The following PGBD5 variants were observed in gnomAD, a reference collection of about 807,000 sequenced individuals.
PGBD5 encodes the protein piggyBac transposable element-derived protein 5.
Under a neutral mutation model 47.9 loss-of-function variants are expected in PGBD5, and 14 were observed. That is an observed-to-expected ratio of 0.29 (90% confidence interval 0.19 to 0.46). The LOEUF (loss-of-function observed/expected upper bound fraction) is 0.46. Ranked by LOEUF, PGBD5 falls within the 20% of genes least tolerant of loss-of-function variation. The pLI is 1.00. For missense variants in PGBD5, 635 were observed against 716.0 expected, an observed-to-expected ratio of 0.89 and a Z score of 1.29; for synonymous variants, 316 against 306.3, an observed-to-expected ratio of 1.03 and a Z score of -0.33.
rs1292141323 is a variant in PGBD5 at position 230,317,723 on chromosome 1, A to T, written c.*5702T>A. ...GCTTGACACGTGAGGGAAGCCGCAC[A>T]CACTCCTCCATCGTCTTCCTAGGTC... is the stretch of plus-strand genomic sequence containing the variant. On this transcript the variant is annotated 3_prime_UTR_variant, in exon 7 of 7. Coordinates refer to ENST00000391860, the MANE Select transcript of PGBD5 (RefSeq NM_001258311.2). The T allele has an allele frequency of 6.6e-6, 1 of 152,116 alleles. No homozygotes were observed. The highest frequency in any genetic ancestry group is 1.9e-4 in the East Asian group (1 of 5,170). 9.4% of individuals were successfully genotyped at this position (152,116 alleles called of 1,614,324 possible). A position where few individuals can be genotyped will look rare whatever the true frequency, so the allele number is the denominator to read the frequency against.
intron 5 of PGBD5, among the ~76,000 whole-genome samples, chr1:230,329,122 T>TGGG (rs77950968): frequency 2.4e-4 from 36 of 150,564 alleles, no homozygotes; most frequent in Admixed American, 5.9e-4. Context: ...AATTTTTTTT[T>TGGG]GGGGGGGGAG....
At chr1:230,356,163 G>T (rs528305333) in intron 2 of PGBD5, among the ~76,000 whole-genome samples, 1 of 152,282 alleles carries the variant, frequency 6.6e-6, no homozygotes, top group Admixed American at 6.5e-5. Flanking sequence ...TCCTGGTTTG[G>T]GTTAGAGACA....
At chr1:230,417,266 A>G (rs1343689558) in intron 1 of PGBD5, among the ~76,000 whole-genome samples, 2 of 151,582 alleles carry the variant, frequency 1.3e-5, no homozygotes, top group Non-Finnish European at 2.9e-5. Flanking sequence ...TTCTGCTGTC[A>G]TTTTCCCTCC....
intron 1 of PGBD5, among the ~76,000 whole-genome samples, chr1:230,385,297 G>T (rs2102728776): frequency 6.6e-6 from 1 of 152,348 alleles, no homozygotes; most frequent in South Asian, 2.1e-4. Context: ...TACAGCAGGG[G>T]ATTGGCAAGT....
chr1:230,325,513 TTAA>T, intron 5 of PGBD5, 98 bp from the exon 6 acceptor site: 3 of 811,246 alleles, frequency 3.7e-6, no homozygotes, highest in Non-Finnish European at 6.2e-6. Flanking sequence ...TGCTCCCAAC[TTAA>T]TAATGAGCAG....
intron 3 of PGBD5, among the ~76,000 whole-genome samples, chr1:230,338,570 T>C (rs7535638): frequency 0.92 from 139,621 of 152,214 alleles, 65,226 homozygotes; most frequent in East Asian, 1. Flanking sequence ...GAGGCTGAGG[T>C]GAGTGATTAC....
chr1:230,374,621 T>G (rs1270118631), intron 1 of PGBD5, among the ~76,000 whole-genome samples: 2 of 152,204 alleles, frequency 1.3e-5, no homozygotes, highest in Non-Finnish European at 2.9e-5. Flanking sequence ...CAATACAATT[T>G]CTGGAAATAA....
intron 1 of PGBD5, among the ~76,000 whole-genome samples, chr1:230,423,105 G>A (rs1657695535): frequency 1.3e-5 from 2 of 151,350 alleles, no homozygotes; most frequent in East Asian, 3.9e-4. Context: ...TTACATACCC[G>A]CACATTTCCA....
At chr1:230,404,426 G>GC (rs1198116483) in intron 1 of PGBD5, among the ~76,000 whole-genome samples, 4 of 151,772 alleles carry the variant, frequency 2.6e-5, no homozygotes, top group Non-Finnish European at 5.9e-5. Context: ...ACCAGCCTGG[G>GC]CCCCCATCTC....
chr1:230,363,845 C>T (rs1445574501), intron 1 of PGBD5, among the ~76,000 whole-genome samples: 1 of 149,146 alleles, frequency 6.7e-6, no homozygotes, highest in Admixed American at 6.6e-5. Flanking sequence ...AAAAATATTC[C>T]TATCATTTGA....
At chr1:230,392,369 T>C (rs568306852) in intron 1 of PGBD5, among the ~76,000 whole-genome samples, 1 of 152,202 alleles carries the variant, frequency 6.6e-6, no homozygotes, top group East Asian at 1.9e-4. Flanking sequence ...AGAATCAAGC[T>C]GGGGAAGGCC....
chr1:230,419,957 C>T (rs1657613021), intron 1 of PGBD5, among the ~76,000 whole-genome samples: 1 of 152,064 alleles, frequency 6.6e-6, no homozygotes, highest in African/African-American at 2.4e-5. Flanking sequence ...GAAACCCCAT[C>T]CCTACTAAAA....
rs1352975825 is a variant in PGBD5, at chr1:230,425,907, C to A, written c.22G>T (p.Ala8Ser). ...AGCAGCGCCGGCGCCCTCCTCCGCG[C>A]GCCCCCGCCGCCCTCGGCCATGGCC... is the stretch of plus-strand genomic sequence containing the variant. The part of the protein sequence containing the change: MAEGGGG[A>S]RRRAPALLEA... The change falls in exon 1 of 7, where the codon GCG becomes TCG. Residue 8 changes from alanine (A) to serine (S), a missense_variant. Transcript: ENST00000391860. This position sits in a 1 kb window ranked among gnomAD's most constrained non-coding sequence, Gnocchi z 4.7. The A allele has an allele frequency of 3.5e-6, 4 of 1,146,066 alleles. No individual in the cohort carries two copies. The South Asian group carries it at 1.7e-4, about 49-fold the overall frequency. The allele number at this position is 1,146,066 out of a possible 1,614,324, so 71.0% of individuals were successfully genotyped here.
At chr1:230,399,826 C>T (rs1307575258) in intron 1 of PGBD5, among the ~76,000 whole-genome samples, 1 of 152,232 alleles carries the variant, frequency 6.6e-6, no homozygotes. Flanking sequence ...GGTGGAAACA[C>T]GCGATCCATC....
In PGBD5 at chr1:230,425,989, C is replaced by T. The variant is rs1002544613; in HGVS notation, c.-61G>A. ...TGCCTCCCAGCCGCACACGCCGGGC[C>T]CTGGGCCCGCGCCGCGGCCCGCCGC... On this transcript the variant is annotated 5_prime_UTR_variant, in exon 1 of 7. Coordinates refer to ENST00000391860, the MANE Select transcript of PGBD5 (RefSeq NM_001258311.2). The surrounding 1 kb of genome is among the most constrained non-coding windows in gnomAD (Gnocchi z 4.7). 1.2e-6 allele frequency: 1 copy of T among 829,710 alleles called. No homozygotes were observed. The highest frequency in any genetic ancestry group is 1.9e-5 in the African/African-American group (1 of 53,664). The allele number at this position is 829,710 out of a possible 1,614,324, so 51.4% of individuals were successfully genotyped here.
intron 2 of PGBD5, 92 bp downstream of exon 2, chr1:230,356,802 G>A (rs1458118807): frequency 1.4e-6 from 2 of 1,388,176 alleles, no homozygotes; most frequent in Non-Finnish European, 9.8e-7. Flanking sequence ...AGGCAGGGCA[G>A]GAAGGACACC....
chr1:230,385,072 G>A (rs534271785), intron 1 of PGBD5, among the ~76,000 whole-genome samples: 1 of 152,180 alleles, frequency 6.6e-6, no homozygotes, highest in Non-Finnish European at 1.5e-5. Context: ...CACATGAAGA[G>A]GCGTGTATTT....
chr1:230,388,396 A>C (rs1571852979), intron 1 of PGBD5, among the ~76,000 whole-genome samples: 1 of 148,452 alleles, frequency 6.7e-6, no homozygotes, highest in Admixed American at 6.7e-5. Flanking sequence ...AACTGCGGCC[A>C]CTTCCCCTTG....
At position 230,319,610 on chromosome 1, in the gene PGBD5, G is replaced by T. The variant is rs545117451; in HGVS notation, c.*3815C>A. ...GGATGGTGACACACGGGCCACACAGGAAGGATTCAGAACCTTCCAGGCTCT... is the reference window on the plus strand; with the variant it reads ...GGATGGTGACACACGGGCCACACAGTAAGGATTCAGAACCTTCCAGGCTCT... On this transcript the variant is annotated 3_prime_UTR_variant, in exon 7 of 7. Transcript: ENST00000391860. 6.6e-6 allele frequency: 1 copy of T among 152,120 alleles called. No homozygotes were observed. The highest frequency in any genetic ancestry group is 1.5e-5 in the Non-Finnish European group (1 of 68,042). 9.4% of individuals were successfully genotyped at this position (152,120 alleles called of 1,614,324 possible). A position where few individuals can be genotyped will look rare whatever the true frequency, so the allele number is the denominator to read the frequency against.
Sources: gnomAD v4.1 joint callset for allele counts (sites outside exome capture counted in the v4.1 genomes callset) on GRCh38, gnomAD v4.1.1 for gene constraint, Gnocchi (gnomAD v3.1) non-coding constraint, MANE v1.5 for transcripts, NCBI Gene and HGNC (gene_info 2026-07-23, HGNC 2026-07-21) for gene names.